Variants in METTL15 observed in about 807,000 individuals in gnomAD.
METTL15 encodes the protein methyltransferase 15, mitochondrial 12S rRNA N4-cytidine, also known as 12S rRNA N(4)-cytidine methyltransferase METTL15.
METTL15 carries 34 observed loss-of-function variants against 38.3 expected under a neutral mutation model. The observed-to-expected ratio is 0.89, with a 90% confidence interval of 0.68 to 1.18. The LOEUF (loss-of-function observed/expected upper bound fraction) is 1.18, where lower values mean the gene tolerates loss of function less well. METTL15 is among the 50% of genes most tolerant of loss of function. The probability of loss-of-function intolerance (pLI) is 0.00; values close to 1 mark genes in which losing one functional copy is unlikely to be tolerated. For missense variants in METTL15, 438 were observed against 498.4 expected (o/e 0.88, Z 1.15); for synonymous variants, 162 against 170.9 (o/e 0.95, Z 0.41).
At chr11:28,208,402 C>G (rs1852463080) in intron 3 of METTL15, among the ~76,000 whole-genome samples, 1 of 152,094 alleles carries the variant, frequency 6.6e-6, no homozygotes, top group Non-Finnish European at 1.5e-5. Context: ...TGTTCAGTTT[C>G]CATGTAGTTG....
chr11:28,179,162 G>A (rs1851189208), intron 3 of METTL15, among the ~76,000 whole-genome samples: 1 of 151,772 alleles, frequency 6.6e-6, no homozygotes. Context: ...TTTAATTAGA[G>A]TTTTTAGTTC....
At chr11:28,163,926 G>T (rs1850562559) in intron 3 of METTL15, 1 of 151,966 alleles carries the variant, frequency 6.6e-6, no homozygotes, top group South Asian at 2.1e-4. Flanking sequence ...GAGAGATTCT[G>T]TTTGTTTTTT....
intron 4 of METTL15, among the ~76,000 whole-genome samples, chr11:28,272,596 A>G (rs1855688909): frequency 6.6e-6 from 1 of 152,208 alleles, no homozygotes; most frequent in Admixed American, 6.5e-5. Context: ...CAGGGATAGC[A>G]TCAGGAGAAA....
At position 28,498,143 on chromosome 11, in the gene METTL15, A is replaced by C. The variant is rs1484792112; in HGVS notation, c.*425-28335A>C. Reference sequence around the variant, plus strand: ...ACTTCCCCCAAAGTCCCCATCTCTTAATACCACCACATTGGGGATTACATT... The same window carrying C: ...ACTTCCCCCAAAGTCCCCATCTCTTCATACCACCACATTGGGGATTACATT... On this transcript the variant is annotated intron_variant and NMD_transcript_variant, in intron 6 of 7. Transcript: ENST00000532947. 2.0e-5 allele frequency among the ~76,000 whole-genome samples: 3 copies of C among 152,174 alleles called. No individual in the cohort carries two copies. In the South Asian group the frequency reaches 6.2e-4, roughly 32 times the overall value.
intron 3 of METTL15, among the ~76,000 whole-genome samples, chr11:28,174,502 C>G (rs1850978923): frequency 6.6e-6 from 1 of 152,024 alleles, no homozygotes; most frequent in African/African-American, 2.4e-5. Context: ...AATATTAATT[C>G]CAGACATATT....
chr11:28,243,039 C>T (rs1025199660), intron 4 of METTL15, among the ~76,000 whole-genome samples: 2 of 150,718 alleles, frequency 1.3e-5, no homozygotes, highest in East Asian at 3.9e-4. Context: ...AATGAGAGAC[C>T]TTATTGAGGG....
intron 3 of METTL15, among the ~76,000 whole-genome samples, chr11:28,127,526 A>G (rs1442158600): frequency 1.3e-5 from 2 of 152,122 alleles, no homozygotes; most frequent in Non-Finnish European, 2.9e-5. Context: ...TACTTTCAAT[A>G]CTTGGGCTAT....
Position 28,117,231 on chromosome 11 carries a change from A to G in METTL15, c.270+3627A>G, listed in dbSNP as rs994914779. Among the ~76,000 whole-genome samples, 97 of 66,830 alleles carry G rather than the reference A, an allele frequency of 1.5e-3. 2 individuals carry two copies. The highest frequency in any genetic ancestry group is 8.4e-3 in the South Asian group (17 of 2,012). The allele number at this position is 66,830 out of a possible 152,430, so 43.8% of individuals were successfully genotyped here. Reference sequence around the variant, plus strand: ...TATACATACATATATACACCTATATATGTATGTGTGTGTGTGTGTGTGTGT... The same window carrying G: ...TATACATACATATATACACCTATATGTGTATGTGTGTGTGTGTGTGTGTGT... On this transcript the variant is annotated intron_variant, in intron 3 of 6. Coordinates refer to ENST00000407364, the MANE Select transcript of METTL15 (RefSeq NM_001113528.2).
At chr11:28,378,452 G>GA (rs1850345033) in intron 5 of METTL15, among the ~76,000 whole-genome samples, 1 of 152,198 alleles carries the variant, frequency 6.6e-6, no homozygotes, top group Non-Finnish European at 1.5e-5. Context: ...CTTTGATTAG[G>GA]AAAGGGAACT....
intron 6 of METTL15, among the ~76,000 whole-genome samples, chr11:28,513,658 G>A (rs1212168636): frequency 1.3e-5 from 2 of 152,186 alleles, no homozygotes; most frequent in Admixed American, 6.5e-5. Flanking sequence ...TTAACAGCAA[G>A]CCAGTCATTA....
chr11:28,304,061 T>G (rs924412253), intron 6 of METTL15, among the ~76,000 whole-genome samples: 1 of 152,162 alleles, frequency 6.6e-6, no homozygotes, highest in African/African-American at 2.4e-5. Flanking sequence ...GTGCAAATAT[T>G]CTTGTAAGCA....
intron 4 of METTL15, among the ~76,000 whole-genome samples, chr11:28,353,886 C>T (rs937219096): frequency 1.4e-5 from 2 of 145,564 alleles, no homozygotes; most frequent in African/African-American, 5.1e-5. Flanking sequence ...GATTGCGCCA[C>T]TGCAGTCCGC....
chr11:28,392,466 C>G (rs7131088), intron 5 of METTL15, among the ~76,000 whole-genome samples: 18,234 of 151,818 alleles, frequency 0.12, 1,427 homozygotes, highest in East Asian at 0.3. Flanking sequence ...AACAAGGGTG[C>G]CAAGGTTATA....
intron 3 of METTL15, among the ~76,000 whole-genome samples, chr11:28,118,259 A>G (rs1852060632): frequency 1.3e-5 from 2 of 152,184 alleles, no homozygotes; most frequent in African/African-American, 4.8e-5. Context: ...TTTCTTTAGC[A>G]TCATAGCTAG....
intron 4 of METTL15, among the ~76,000 whole-genome samples, chr11:28,236,680 C>G (rs937221443): frequency 6.6e-6 from 1 of 152,154 alleles, no homozygotes; most frequent in Non-Finnish European, 1.5e-5. Flanking sequence ...TTAGTTGATG[C>G]AGTTTCTTCC....
intron 4 of METTL15, among the ~76,000 whole-genome samples, chr11:28,237,051 A>C (rs930073926): frequency 2.0e-5 from 3 of 151,756 alleles, no homozygotes; most frequent in African/African-American, 7.3e-5. Flanking sequence ...CCTTCATTTC[A>C]ACTTTGGTGA....
intron 6 of METTL15, among the ~76,000 whole-genome samples, chr11:28,430,710 G>A (rs1200146868): frequency 7.7e-5 from 9 of 116,422 alleles, no homozygotes; most frequent in South Asian, 3.2e-4. Context: ...CAGCCGCCCC[G>A]TCTGGGAGGG....
At position 28,174,924 on chromosome 11, in the gene METTL15, T is replaced by A. The variant is rs558213943; in HGVS notation, c.271-36138T>A. 7.2e-3 allele frequency among the ~76,000 whole-genome samples: 1,079 copies of A among 148,872 alleles called. 5 individuals carry two copies. The highest frequency in any genetic ancestry group is 0.015 in the Admixed American group (224 of 14,616). On this transcript the variant is annotated intron_variant, in intron 3 of 6. Transcript: ENST00000407364. ...GATTTTCTTTGGAATTCTTTTTTTT[T>A]AAATTTACTTTATTTTTATTTTATT... is the stretch of plus-strand genomic sequence containing the variant.
chr11:28,486,826 T>A (rs1590391579), intron 6 of METTL15, among the ~76,000 whole-genome samples: 1 of 152,298 alleles, frequency 6.6e-6, no homozygotes, highest in East Asian at 1.9e-4. Context: ...GTGGACACTG[T>A]TCACCTTGTC....
Sources: gnomAD v4.1 joint callset for allele counts (sites outside exome capture counted in the v4.1 genomes callset) on GRCh38, gnomAD v4.1.1 for gene constraint, MANE v1.5 for transcripts, NCBI Gene and HGNC (gene_info 2026-07-23, HGNC 2026-07-21) for gene names.